IFT46: variants seen among roughly 807,000 people sequenced by gnomAD.
IFT46 encodes the protein intraflagellar transport 46.
In IFT46, 19 loss-of-function variants were observed where a neutral mutation model predicts 39.6. The observed-to-expected ratio is 0.48, with a 90% CI of 0.33 to 0.70. The LOEUF is 0.70. Among genes scored for constraint, IFT46 ranks in the 30% least tolerant of loss-of-function variants. The pLI, the probability that IFT46 is intolerant of heterozygous loss-of-function variation, is 0.01. For synonymous variants in IFT46, 117 were observed against 134.8 expected (o/e 0.87, Z 0.91); for missense variants, 334 against 364.8 (o/e 0.92, Z 0.69).
chr11:118,547,701 C>T (rs1278012993), intron 9 of IFT46, among the ~76,000 whole-genome samples: 8 of 150,998 alleles, frequency 5.3e-5, no homozygotes, highest in African/African-American at 1.9e-4. Context: ...GGATTACAGG[C>T]ATGAGCCACC....
intron 2 of IFT46, 50 bp from the exon 3 acceptor site, chr11:118,559,914 A>T (rs1555070284): frequency 9.1e-7 from 1 of 1,102,408 alleles, no homozygotes. Context: ...GATTTTTAAA[A>T]ACAAGTATTT....
intron 9 of IFT46, 107 bp downstream of exon 9, chr11:118,551,679 A>C: frequency 2.4e-6 from 2 of 829,618 alleles, no homozygotes; most frequent in Non-Finnish European, 3.8e-6. Flanking sequence ...TCAAAAAAAA[A>C]AAAAAAAAAA....
chr11:118,550,810 C>T (rs1239553456), intron 9 of IFT46, among the ~76,000 whole-genome samples: 3 of 151,948 alleles, frequency 2.0e-5, no homozygotes, highest in South Asian at 2.1e-4. Context: ...GGGTGGATCA[C>T]GAGGTCAGGA....
Position 118,560,351 on chromosome 11 carries a change from C to T in IFT46, c.-35-487G>A, listed in dbSNP as rs58613635. The T allele has an allele frequency of 2.2e-4, 38 of 171,634 alleles. No individual in the cohort carries two copies. In the South Asian group the frequency reaches 3.5e-3, roughly 16 times the overall value. 10.6% of individuals were successfully genotyped at this position (171,634 alleles called of 1,614,324 possible). A position where few individuals can be genotyped will look rare whatever the true frequency, so the allele number is the denominator to read the frequency against. On this transcript the variant is annotated intron_variant, in intron 2 of 11. Transcript: ENST00000264021. ...GGAGGTCTGCTTAAACCCAGGAGTTCGAGGCTGCAGTGAGCAGTGTCCAGT... is the reference window on the plus strand; with the variant it reads ...GGAGGTCTGCTTAAACCCAGGAGTTTGAGGCTGCAGTGAGCAGTGTCCAGT...
intron 2 of IFT46, chr11:118,560,954 G>T: frequency 1.5e-6 from 2 of 1,296,972 alleles, no homozygotes; most frequent in East Asian, 4.6e-5. Flanking sequence ...TGGTGTGAAG[G>T]TTGGCCTGAC....
At chr11:118,552,554 A>G (rs1555068718) in intron 7 of IFT46, among the ~76,000 whole-genome samples, 1 of 152,184 alleles carries the variant, frequency 6.6e-6, no homozygotes, top group Non-Finnish European at 1.5e-5. Context: ...GCACTTTGGC[A>G]GTCTGAGGTG....
chr11:118,557,760 C>G, intron 3 of IFT46: 1 of 1,614,146 alleles, frequency 6.2e-7, no homozygotes, highest in Non-Finnish European at 8.5e-7. Flanking sequence ...CTGGCTCTCT[C>G]TGTACCATCC....
intron 2 of IFT46, among the ~76,000 whole-genome samples, chr11:118,563,582 C>G (rs978504987): frequency 6.6e-5 from 10 of 152,160 alleles, no homozygotes; most frequent in Non-Finnish European, 1.5e-4. Context: ...TCAGCTTCCT[C>G]ACCAGAGGCC....
chr11:118,575,224 C>T (rs1591379147), upstream of IFT46, among the ~76,000 whole-genome samples: 1 of 152,118 alleles, frequency 6.6e-6, no homozygotes, highest in Non-Finnish European at 1.5e-5. Context: ...GTGATCTGCC[C>T]GCCTCGGCCT....
chr11:118,548,652 G>A lies in IFT46; in HGVS notation c.673-2799C>T, dbSNP rs183914143. On this transcript the variant is annotated intron_variant, in intron 9 of 11. Coordinates refer to ENST00000264021, the MANE Select transcript of IFT46 (RefSeq NM_001168618.2). ...TGCTGGGATTACATTACAGGTGTGC[G>A]CCACCATGCCCAGCTAATTTTTCTA... Among the ~76,000 whole-genome samples, 32 of 151,344 alleles carry A rather than the reference G, an allele frequency of 2.1e-4. No homozygotes were observed. In the East Asian group the frequency reaches 4.9e-3, roughly 23 times the overall value.
At chr11:118,556,605 A>G (rs782481185) in intron 4 of IFT46, among the ~76,000 whole-genome samples, 26 of 152,320 alleles carry the variant, frequency 1.7e-4, no homozygotes, top group South Asian at 6.2e-4. Context: ...TGCTAGGATT[A>G]CAGGCTTGAG....
At position 118,545,026 on chromosome 11, in the gene IFT46, A is replaced by G. The variant is rs781789999; in HGVS notation, c.820-15T>C. ...GCTTTAAAATGCTGCAAGGAAGAGG[A>G]GAGGGAATATTGAGTATTAGGGATA... On this transcript the variant is annotated splice_polypyrimidine_tract_variant and intron_variant, in intron 11 of 11. Coordinates refer to ENST00000264021, the MANE Select transcript of IFT46 (RefSeq NM_001168618.2). 6.4e-7 allele frequency: 1 copy of G among 1,568,678 alleles called. No homozygotes were observed. Among genetic ancestry groups the G allele is most frequent in the South Asian group, 1.1e-5 (1 of 89,192 alleles).
chr11:118,550,749 C>T (rs1951787873), intron 9 of IFT46, among the ~76,000 whole-genome samples: 1 of 152,202 alleles, frequency 6.6e-6, no homozygotes. Flanking sequence ...TCTTTCTTGG[C>T]CAGGCGCGGT....
chr11:118,576,317 C>T (rs1366367545), upstream of IFT46, among the ~76,000 whole-genome samples: 5 of 147,084 alleles, frequency 3.4e-5, no homozygotes, highest in African/African-American at 1.3e-4. Context: ...TTTTTTTAAC[C>T]GTCCTGGAGA....
At chr11:118,562,196 G>A (rs1170510568) in intron 2 of IFT46, among the ~76,000 whole-genome samples, 1 of 152,074 alleles carries the variant, frequency 6.6e-6, no homozygotes, top group African/African-American at 2.4e-5. Flanking sequence ...AGAATCGCTT[G>A]AACCTGGGAG....
chr11:118,562,378 T>C (rs1555070730), intron 2 of IFT46, among the ~76,000 whole-genome samples: 1 of 152,088 alleles, frequency 6.6e-6, no homozygotes, highest in Admixed American at 6.6e-5. Flanking sequence ...AGGTCGAGGC[T>C]GCAGTGAACC....
chr11:118,569,666 GT>G (rs1555072079), upstream of IFT46, among the ~76,000 whole-genome samples: 1 of 152,156 alleles, frequency 6.6e-6, no homozygotes, highest in African/African-American at 2.4e-5. Context: ...CATGAGACCT[GT>G]GGTGGGATAG....
intron 2 of IFT46, among the ~76,000 whole-genome samples, chr11:118,564,645 G>A (rs1345483011): frequency 6.6e-6 from 1 of 151,982 alleles, no homozygotes; most frequent in Non-Finnish European, 1.5e-5. Flanking sequence ...GCTAAGGGGA[G>A]GTTATGAAGC....
At chr11:118,548,507 GGCGT>G (rs1221957443) in intron 9 of IFT46, among the ~76,000 whole-genome samples, 1 of 150,972 alleles carries the variant, frequency 6.6e-6, no homozygotes, top group African/African-American at 2.5e-5. Flanking sequence ...TGGGACTACA[GGCGT>G]GCATCACCAT....
Sources: allele counts gnomAD v4.1 joint callset (sites outside exome capture counted in the v4.1 genomes callset), GRCh38; gene constraint gnomAD v4.1.1; transcripts MANE v1.5; gene names NCBI Gene and HGNC (gene_info 2026-07-23, HGNC 2026-07-21).